The following COL5A2 variants were observed in gnomAD, a reference collection of about 807,000 sequenced individuals.
The protein encoded by COL5A2 is collagen type V alpha 2 chain.
COL5A2 carries 23 observed loss-of-function variants against 208.2 expected under a neutral mutation model. That is an observed-to-expected ratio of 0.11 (90% CI 0.08 to 0.16). The LOEUF (loss-of-function observed/expected upper bound fraction) is 0.16. Among genes scored for constraint, COL5A2 ranks in the 10% least tolerant of loss-of-function variants. The pLI is 1.00. For synonymous variants in COL5A2, 625 were observed against 628.5 expected, an observed-to-expected ratio of 0.99 and a Z score of 0.08; for missense variants, 1,590 against 1,956.4, an observed-to-expected ratio of 0.81 and a Z score of 3.53.
At chr2:189,179,391 C>G (rs1332314393) in intron 1 of COL5A2, 117 bp downstream of exon 1, 4 of 1,149,402 alleles carry the variant, frequency 3.5e-6, no homozygotes, top group Non-Finnish European at 5.1e-6. Flanking sequence ...ATCCGTCAGC[C>G]CCCTTCTCAA....
the COL5A2 span, among the ~76,000 whole-genome samples, chr2:189,232,733 C>G: frequency 4.6e-5 from 7 of 151,604 alleles, no homozygotes; most frequent in African/African-American, 1.7e-4. Context: ...ATTAGTCCCC[C>G]TACAAAAGAG....
intron 17 of COL5A2, among the ~76,000 whole-genome samples, chr2:189,073,029 T>C (rs75207675): frequency 0.023 from 3,512 of 152,230 alleles, 148 homozygotes; most frequent in African/African-American, 0.081. Context: ...TTTCATCCTA[T>C]GTTTTGTTTC....
At chr2:189,191,163 C>CAAAAAAAAAAAAA (rs1553526772) in intron 1 of COL5A2, among the ~76,000 whole-genome samples, 20 of 72,248 alleles carry the variant, frequency 2.8e-4, no homozygotes, top group East Asian at 6.0e-4. Context: ...AAAAAACAAA[C>CAAAAAAAAAAAAA]AAACAACAAA....
chr2:189,285,014 A>G, the COL5A2 span, among the ~76,000 whole-genome samples: 1 of 151,164 alleles, frequency 6.6e-6, no homozygotes, highest in Non-Finnish European at 1.5e-5. Context: ...CCTCTATGAC[A>G]TCCATATGGA....
chr2:189,124,559 G>C (rs990383056), intron 1 of COL5A2, among the ~76,000 whole-genome samples: 2 of 150,782 alleles, frequency 1.3e-5, no homozygotes, highest in African/African-American at 2.5e-5. Context: ...AACTAAACAG[G>C]GGATGATAAA....
the COL5A2 span, among the ~76,000 whole-genome samples, chr2:189,270,734 G>T: frequency 9.2e-5 from 14 of 152,128 alleles, no homozygotes; most frequent in African/African-American, 3.4e-4. Flanking sequence ...GTTTGCAGAT[G>T]ACATGATTGT....
At chr2:189,212,201 C>T (rs1178881091) in intron 1 of COL5A2, among the ~76,000 whole-genome samples, 2 of 152,154 alleles carry the variant, frequency 1.3e-5, no homozygotes, top group Non-Finnish European at 2.9e-5. Context: ...CCTGCCTGTA[C>T]CTAAGGCAAA....
the COL5A2 span, among the ~76,000 whole-genome samples, chr2:189,324,145 T>G: frequency 6.6e-6 from 1 of 152,184 alleles, no homozygotes; most frequent in East Asian, 1.9e-4. Context: ...CTGGATCCCT[T>G]CCTTACACCT....
At chr2:189,418,336 T>C in the COL5A2 span, among the ~76,000 whole-genome samples, 3 of 152,336 alleles carry the variant, frequency 2.0e-5, no homozygotes, top group South Asian at 4.1e-4. Flanking sequence ...CCAGTATCTA[T>C]GACTCCTCCC....
rs555181179 is a variant in COL5A2, at chr2:189,124,290, C to T, written c.98-13841G>A. The stretch of plus-strand genomic sequence containing the variant: ...CACCAAATGTTACCATGCTAATATC[C>T]GGTGAAATTCCCCCTAGCTTTTCTG... On this transcript the variant is annotated intron_variant, in intron 1 of 53. Transcript: ENST00000374866. Among the ~76,000 whole-genome samples the T allele has an allele frequency of 3.9e-5, 6 of 152,070 alleles. No homozygotes were observed. In the South Asian group the frequency reaches 1.2e-3, roughly 32 times the overall value.
At chr2:189,058,678 G>C in intron 32 of COL5A2, 151 bp from the exon 33 acceptor site, 1 of 939,618 alleles carries the variant, frequency 1.1e-6, no homozygotes, top group Non-Finnish European at 1.7e-6. Flanking sequence ...AAATAAATTT[G>C]AAGTAAGGAT....
chr2:189,314,156 A>G, the COL5A2 span, among the ~76,000 whole-genome samples: 2 of 152,240 alleles, frequency 1.3e-5, no homozygotes, highest in African/African-American at 4.8e-5. Flanking sequence ...TCTCATTACT[A>G]CATGGCACTT....
At chr2:189,180,949 T>C (rs1208463075), upstream of COL5A2, among the ~76,000 whole-genome samples, 1 of 152,184 alleles carries the variant, frequency 6.6e-6, no homozygotes, top group Non-Finnish European at 1.5e-5. Context: ...TTTATAATTA[T>C]TGGGCAACAG....
rs572363318 is a variant in COL5A2 at position 189,170,123 on chromosome 2, T to A, written c.97+9385A>T. The stretch of plus-strand genomic sequence containing the variant: ...ATGTAGGTGTTAGATAGATAGATAG[T>A]ATTCATCATAATTATTTGAAGTATC... On this transcript the variant is annotated intron_variant, in intron 1 of 53. Transcript: ENST00000374866. 4.6e-5 allele frequency among the ~76,000 whole-genome samples: 7 copies of A among 152,316 alleles called. No homozygotes were observed. The South Asian group carries it at 1.0e-3, about 23-fold the overall frequency.
the COL5A2 span, among the ~76,000 whole-genome samples, chr2:189,373,818 A>C: frequency 6.6e-6 from 1 of 152,222 alleles, no homozygotes; most frequent in Non-Finnish European, 1.5e-5. Flanking sequence ...GGAAAAGGAG[A>C]GAAAATGAGT....
chr2:189,236,629 T>C, the COL5A2 span, among the ~76,000 whole-genome samples: 4 of 151,732 alleles, frequency 2.6e-5, no homozygotes, highest in Admixed American at 6.6e-5. Context: ...TTGAGATCCT[T>C]TTTATAGGTC....
At chr2:189,083,599 T>A (rs1441082898) in intron 12 of COL5A2, among the ~76,000 whole-genome samples, 2 of 152,076 alleles carry the variant, frequency 1.3e-5, no homozygotes, top group Non-Finnish European at 2.9e-5. Context: ...AGTAAAAATA[T>A]TAAAAAGATT....
At chr2:189,290,217 C>T in the COL5A2 span, among the ~76,000 whole-genome samples, 2 of 152,162 alleles carry the variant, frequency 1.3e-5, no homozygotes, top group East Asian at 3.8e-4. Flanking sequence ...GTGCCAAGAA[C>T]ACACAATGAG....
At chr2:189,320,472 G>T in the COL5A2 span, among the ~76,000 whole-genome samples, 12 of 152,308 alleles carry the variant, frequency 7.9e-5, no homozygotes, top group East Asian at 2.3e-3. Context: ...AGTCCTTAAA[G>T]GACCTGATGG....
Sources: gnomAD v4.1 joint callset for allele counts (sites outside exome capture counted in the v4.1 genomes callset) on GRCh38, gnomAD v4.1.1 for gene constraint, MANE v1.5 for transcripts, NCBI Gene and HGNC (gene_info 2026-07-23, HGNC 2026-07-21) for gene names.